Variants in ENTHD1 observed in about 807,000 individuals in gnomAD.
The protein encoded by ENTHD1 is ENTH domain containing 1, also known as ENTH domain-containing protein 1.
In ENTHD1, 23 loss-of-function variants were observed where a neutral mutation model predicts 39.1. The observed-to-expected ratio is 0.59, with a 90% CI of 0.42 to 0.83. ENTHD1 has a LOEUF of 0.83. ENTHD1 is among the 40% of genes least tolerant of loss of function. ENTHD1 has a pLI of 0.00. For synonymous variants in ENTHD1, 230 were observed against 258.2 expected (o/e 0.89, Z 1.05); for missense variants, 624 against 705.4 (o/e 0.88, Z 1.31).
intron 5 of ENTHD1, among the ~76,000 whole-genome samples, chr22:39,814,525 G>A (rs963769763): frequency 1.2e-4 from 19 of 152,142 alleles, no homozygotes; most frequent in South Asian, 2.1e-4. Context: ...TATTACAAAG[G>A]TGGCGTGATT....
intron 4 of ENTHD1, among the ~76,000 whole-genome samples, chr22:39,825,341 T>C (rs2065818301): frequency 1.3e-5 from 2 of 152,212 alleles, no homozygotes; most frequent in South Asian, 2.1e-4. Context: ...TGGATTCAAC[T>C]GGCTAATATT....
intron 3 of ENTHD1, among the ~76,000 whole-genome samples, chr22:39,851,626 G>C (rs1263443821): frequency 6.6e-6 from 1 of 152,130 alleles, no homozygotes; most frequent in Non-Finnish European, 1.5e-5. Flanking sequence ...GAGGGTCTGG[G>C]TTCAGCATAG....
rs1431380374 is a variant in ENTHD1, at chr22:39,811,578, T to C, written c.832+9415A>G. 2.0e-5 allele frequency among the ~76,000 whole-genome samples: 3 copies of C among 152,228 alleles called. No individual in the cohort carries two copies. The South Asian group carries it at 6.2e-4, about 31-fold the overall frequency. ...CTACACCCTGATAAAGACTGAATGCTTGACCACAGGACACCAAGTGACTCT... is the reference window on the plus strand; with the variant it reads ...CTACACCCTGATAAAGACTGAATGCCTGACCACAGGACACCAAGTGACTCT... On this transcript the variant is annotated intron_variant, in intron 5 of 6. Transcript: ENST00000325157.
In ENTHD1 at chr22:39,845,075, A is replaced by T. The variant is rs1366616235; in HGVS notation, c.593-9117T>A. Among the ~76,000 whole-genome samples, 3 of 137,076 alleles carry T rather than the reference A, an allele frequency of 2.2e-5. No individual in the cohort carries two copies. In the South Asian group the frequency reaches 6.8e-4, roughly 31 times the overall value. The allele number at this position is 137,076 out of a possible 152,430, so 89.9% of individuals were successfully genotyped here. On this transcript the variant is annotated intron_variant, in intron 3 of 6. Transcript: ENST00000325157. ...GAGATCTGCTACAGAAAAATGGATT[A>T]AAAAAAAAAAAAAAGCCCACAGACT...
chr22:39,765,608 A>G lies in ENTHD1; in HGVS notation c.834T>C (p.Asp278=), dbSNP rs774412419. The change falls in exon 6 of 7, where the codon GAT becomes GAC. Residue 278 remains aspartate, a splice_region_variant and synonymous_variant. Transcript: ENST00000325157. ...AEEVCNLSGA[D]AVPTLSENSP... is the part of the protein sequence containing the mutation. ...TATTTTCTGAGAGAGTAGGCACAGC[A>G]TCTATAAAAGAACAAATAAGAGCTA... 2.1e-5 allele frequency: 33 copies of G among 1,597,868 alleles called. No individual in the cohort carries two copies. In the East Asian group the frequency reaches 7.2e-4, roughly 35 times the overall value.
intron 2 of ENTHD1, among the ~76,000 whole-genome samples, chr22:39,863,216 AAGGC>A (rs888040957): frequency 5.3e-5 from 8 of 152,186 alleles, no homozygotes; most frequent in African/African-American, 1.2e-4. Flanking sequence ...AGAATATAGG[AAGGC>A]AGGCAGGCAG....
At chr22:39,892,623 G>C (rs958259756) in intron 1 of ENTHD1, among the ~76,000 whole-genome samples, 1 of 152,230 alleles carries the variant, frequency 6.6e-6, no homozygotes. Context: ...TTTCAGGATT[G>C]AGAATAAGGA....
At chr22:39,779,594 G>C (rs2065392253) in intron 5 of ENTHD1, among the ~76,000 whole-genome samples, 1 of 151,612 alleles carries the variant, frequency 6.6e-6, no homozygotes, top group Non-Finnish European at 1.5e-5. Flanking sequence ...AAAACCCACT[G>C]GCAAAATTAA....
chr22:39,783,183 T>C (rs1366268083), intron 5 of ENTHD1, among the ~76,000 whole-genome samples: 2 of 151,960 alleles, frequency 1.3e-5, no homozygotes, highest in African/African-American at 4.8e-5. Flanking sequence ...TTACAATAGC[T>C]ACAAGAAATA....
chr22:39,821,084 T>C lies in ENTHD1; in HGVS notation c.741A>G (p.Pro247=). Residue 247 remains proline, a synonymous_variant, in exon 5 of 7, where the codon CCA becomes CCG. Coordinates refer to ENST00000325157, the MANE Select transcript of ENTHD1 (RefSeq NM_152512.4). The part of the protein sequence containing the change: ...EDLMTFLDDD[P]ELPLLATPPS... Reference sequence around the variant, plus strand: ...GAGGTGTTGCTAGTAAAGGCAGCTCTGGATCATCATCCAAAAATGTCATCA... The same window carrying C: ...GAGGTGTTGCTAGTAAAGGCAGCTCCGGATCATCATCCAAAAATGTCATCA... 1 of 1,614,116 alleles carries C rather than the reference T, an allele frequency of 6.2e-7. No homozygotes were observed.
Position 39,743,442 on chromosome 22 carries a change from C to A in ENTHD1, c.*237G>T. On this transcript the variant is annotated 3_prime_UTR_variant, in exon 7 of 7. Transcript: ENST00000325157. Reference sequence around the variant, plus strand: ...GAGCATGAAAGAATGAAATTCTCTTCTGTTTCAAATGAACTAATATCTAAA... The same window carrying A: ...GAGCATGAAAGAATGAAATTCTCTTATGTTTCAAATGAACTAATATCTAAA... 2.3e-6 allele frequency: 1 copy of A among 434,490 alleles called. No individual in the cohort carries two copies. 26.9% of individuals were successfully genotyped at this position (434,490 alleles called of 1,614,324 possible).
intron 2 of ENTHD1, among the ~76,000 whole-genome samples, chr22:39,878,433 C>T (rs1195031575): frequency 2.7e-5 from 4 of 150,894 alleles, no homozygotes; most frequent in African/African-American, 9.8e-5. Context: ...TAGTGTTATA[C>T]ACTAACCACA....
At chr22:39,836,256 A>G (rs910040714) in intron 3 of ENTHD1, among the ~76,000 whole-genome samples, 2 of 152,172 alleles carry the variant, frequency 1.3e-5, no homozygotes, top group Non-Finnish European at 2.9e-5. Context: ...GTTTTGATTG[A>G]CTGCATACTA....
chr22:39,835,609 T>C (rs887449456), intron 4 of ENTHD1, among the ~76,000 whole-genome samples: 1 of 152,006 alleles, frequency 6.6e-6, no homozygotes, highest in African/African-American at 2.4e-5. Context: ...AAGCACAATT[T>C]CTCTTGGAAC....
chr22:39,808,662 G>T (rs143913404), intron 5 of ENTHD1, among the ~76,000 whole-genome samples: 2 of 152,224 alleles, frequency 1.3e-5, no homozygotes, highest in East Asian at 3.9e-4. Flanking sequence ...AGGTTGGATG[G>T]CTTCTTGACC....
intron 3 of ENTHD1, among the ~76,000 whole-genome samples, chr22:39,859,573 C>A (rs1199220639): frequency 1.3e-5 from 2 of 151,842 alleles, no homozygotes; most frequent in African/African-American, 4.8e-5. Context: ...CTAGGGAGAC[C>A]CAAGGAGAGA....
In ENTHD1 at chr22:39,850,381, T is replaced by A. The variant is rs149826567; in HGVS notation, c.592+11384A>T. On this transcript the variant is annotated intron_variant, in intron 3 of 6. Coordinates refer to ENST00000325157, the MANE Select transcript of ENTHD1 (RefSeq NM_152512.4). ...ATTAAGTAGCTACACCAGCCTTCTT[T>A]TAGTTTGTATATGCCTGACTTACCT... 5.3e-5 allele frequency among the ~76,000 whole-genome samples: 8 copies of A among 152,300 alleles called. No individual in the cohort carries two copies. In the East Asian group the frequency reaches 1.5e-3, roughly 29 times the overall value.
At chr22:39,835,234 C>T (rs2146675724) in intron 4 of ENTHD1, among the ~76,000 whole-genome samples, 1 of 152,136 alleles carries the variant, frequency 6.6e-6, no homozygotes, top group African/African-American at 2.4e-5. Context: ...AACATGCCAA[C>T]AGTGGCACAA....
intron 5 of ENTHD1, among the ~76,000 whole-genome samples, chr22:39,816,347 A>G (rs543821892): frequency 6.6e-6 from 1 of 152,334 alleles, no homozygotes; most frequent in East Asian, 1.9e-4. Context: ...TTGGGAGGGG[A>G]AAATAACGCC....
Sources: allele counts gnomAD v4.1 joint callset (sites outside exome capture counted in the v4.1 genomes callset), GRCh38; gene constraint gnomAD v4.1.1; transcripts MANE v1.5; gene names NCBI Gene and HGNC (gene_info 2026-07-23, HGNC 2026-07-21).